Variants in NPAS3 observed in about 807,000 individuals in gnomAD.
The protein encoded by NPAS3 is neuronal PAS domain protein 3.
In NPAS3, 14 loss-of-function variants were observed where a neutral mutation model predicts 73.1. The observed-to-expected ratio is 0.19, with a 90% CI of 0.13 to 0.30. The LOEUF is 0.30. NPAS3 is among the 10% of genes least tolerant of loss of function. The pLI is 1.00. For synonymous variants in NPAS3, 620 were observed against 541.5 expected (o/e 1.14, Z -2.01); for missense variants, 1,096 against 1,250.0 (o/e 0.88, Z 1.86).
chr14:33,778,942 AGAAGAC>A, intron 9 of NPAS3, among the ~76,000 whole-genome samples: 1 of 152,216 alleles, frequency 6.6e-6, no homozygotes, highest in Non-Finnish European at 1.5e-5. Context: ...TACACATGGG[AGAAGAC>A]AAGTTCAAAT....
chr14:33,176,864 T>C (rs2045605928), intron 2 of NPAS3, among the ~76,000 whole-genome samples: 1 of 152,126 alleles, frequency 6.6e-6, no homozygotes, highest in Non-Finnish European at 1.5e-5. Context: ...AGTTTCTCCA[T>C]ATCCTTGCCA....
chr14:33,552,332 G>A (rs943274196), intron 4 of NPAS3, among the ~76,000 whole-genome samples: 5 of 152,206 alleles, frequency 3.3e-5, no homozygotes, highest in African/African-American at 4.8e-5. Flanking sequence ...TCTACCACAT[G>A]TTAGTTAGGT....
chr14:33,010,569 T>C (rs1306966614), intron 1 of NPAS3, among the ~76,000 whole-genome samples: 1 of 152,208 alleles, frequency 6.6e-6, no homozygotes, highest in East Asian at 1.9e-4. Flanking sequence ...AAAATTGGCA[T>C]AAATAAGAAT....
rs1210401203 is a variant in NPAS3 at position 33,478,150 on chromosome 14, G to C, written c.469-81971G>C. 3.9e-5 allele frequency among the ~76,000 whole-genome samples: 6 copies of C among 152,104 alleles called. No individual in the cohort carries two copies. The South Asian group carries it at 1.2e-3, about 32-fold the overall frequency. On this transcript the variant is annotated intron_variant, in intron 4 of 11. Coordinates refer to ENST00000356141, the Ensembl canonical transcript of NPAS3. ...GGAAATGTTTATCACTCATTTCCTA[G>C]CATTTTATGGCAGTGTTACGGTGAA...
chr14:32,994,129 G>A (rs971329422), intron 1 of NPAS3, among the ~76,000 whole-genome samples: 1 of 152,108 alleles, frequency 6.6e-6, no homozygotes, highest in Admixed American at 6.5e-5. Flanking sequence ...CTGGAGGAAG[G>A]GGGTATAGAT....
intron 4 of NPAS3, among the ~76,000 whole-genome samples, chr14:33,471,923 G>A (rs1459556996): frequency 6.6e-6 from 1 of 152,130 alleles, no homozygotes; most frequent in Non-Finnish European, 1.5e-5. Flanking sequence ...CAGTGGCATT[G>A]GATTCTCACA....
At chr14:33,396,477 G>C (rs2138679168) in intron 4 of NPAS3, among the ~76,000 whole-genome samples, 1 of 152,206 alleles carries the variant, frequency 6.6e-6, no homozygotes, top group Admixed American at 6.5e-5. Context: ...TAGAACTATT[G>C]TTTGTTTCAG....
chr14:33,130,334 C>A (rs1229473637), intron 2 of NPAS3, among the ~76,000 whole-genome samples: 2 of 152,128 alleles, frequency 1.3e-5, no homozygotes, highest in African/African-American at 2.4e-5. Flanking sequence ...ATGGAACTAT[C>A]CTTAGAGCCA....
chr14:33,605,471 A>G lies in NPAS3; in HGVS notation c.558+45261A>G, dbSNP rs2057530246. Among the ~76,000 whole-genome samples, 3 of 152,012 alleles carry G rather than the reference A, an allele frequency of 2.0e-5. 1 individual carries two copies. Among genetic ancestry groups the G allele is most frequent in the Admixed American group, 2.0e-4 (3 of 15,260 alleles). ...ACCTAGAAAATCTGATTGAATCCATAAAAGACTACTAGATCTGGTTGAATC... is the reference window on the plus strand; with the variant it reads ...ACCTAGAAAATCTGATTGAATCCATGAAAGACTACTAGATCTGGTTGAATC... On this transcript the variant is annotated intron_variant, in intron 5 of 11. Coordinates refer to ENST00000356141, the Ensembl canonical transcript of NPAS3.
chr14:33,700,333 T>C lies in NPAS3; in HGVS notation c.733+23948T>C, dbSNP rs149794867. 4.8e-3 allele frequency among the ~76,000 whole-genome samples: 733 copies of C among 152,290 alleles called. 4 individuals carry two copies. The highest frequency in any genetic ancestry group is 0.017 in the African/African-American group (688 of 41,558). ...ATCCGAGCACAGAGCTCAACTCCCT[T>C]TGTGTGATGTCAGTGCCTCCACCCT... On this transcript the variant is annotated intron_variant, in intron 6 of 11. Coordinates refer to ENST00000356141, the Ensembl canonical transcript of NPAS3.
At chr14:33,090,058 A>G (rs138831540) in intron 2 of NPAS3, among the ~76,000 whole-genome samples, 1,618 of 152,358 alleles carry the variant, frequency 0.011, 34 homozygotes, top group African/African-American at 0.037. Flanking sequence ...CAAAATGTAA[A>G]GACCATCGAT....
chr14:33,353,948 G>T (rs765614334), intron 3 of NPAS3, among the ~76,000 whole-genome samples: 1 of 152,122 alleles, frequency 6.6e-6, no homozygotes, highest in Non-Finnish European at 1.5e-5. Flanking sequence ...TGGAAGAGCT[G>T]GAGGCTGAGA....
intron 2 of NPAS3, among the ~76,000 whole-genome samples, chr14:33,164,742 T>C (rs530197596): frequency 4.7e-4 from 71 of 152,230 alleles, no homozygotes; most frequent in Admixed American, 1.6e-3. Flanking sequence ...CCAGCGAAGT[T>C]GGATAACTTT....
chr14:33,561,647 G>A (rs747992373), intron 5 of NPAS3, among the ~76,000 whole-genome samples: 3 of 152,122 alleles, frequency 2.0e-5, no homozygotes, highest in Non-Finnish European at 4.4e-5. Context: ...TTTTGAAATC[G>A]GTGAGCCACC....
At chr14:33,545,970 G>T (rs1278054837) in intron 4 of NPAS3, among the ~76,000 whole-genome samples, 1 of 152,182 alleles carries the variant, frequency 6.6e-6, no homozygotes, top group African/African-American at 2.4e-5. Flanking sequence ...AAGGGAACCT[G>T]CTCTCAGAAG....
intron 1 of NPAS3, among the ~76,000 whole-genome samples, chr14:32,993,229 G>A (rs2038409763): frequency 6.6e-6 from 1 of 151,552 alleles, no homozygotes; most frequent in Admixed American, 6.6e-5. Context: ...AAGTAAAAAT[G>A]TCCATGGGCC....
chr14:33,276,653 G>A (rs887912161), intron 3 of NPAS3, among the ~76,000 whole-genome samples: 1 of 151,656 alleles, frequency 6.6e-6, no homozygotes, highest in Non-Finnish European at 1.5e-5. Flanking sequence ...TGTAAAATGA[G>A]TGTAATAATG....
chr14:32,964,255 C>G (rs1203975407), intron 1 of NPAS3, among the ~76,000 whole-genome samples: 2 of 137,792 alleles, frequency 1.5e-5, no homozygotes, highest in Admixed American at 1.5e-4. Context: ...TTTTTGTATT[C>G]TTCATTTCTT....
At chr14:33,799,876 G>T (rs1386814390) in exon 12 of NPAS3, 1 of 1,614,136 alleles carries the variant, frequency 6.2e-7, no homozygotes, top group Admixed American at 1.7e-5. Flanking sequence ...CCAGTAACCC[G>T]GACAGCCGCG....
Sources: allele counts gnomAD v4.1 joint callset (sites outside exome capture counted in the v4.1 genomes callset), GRCh38; gene constraint gnomAD v4.1.1; transcripts MANE v1.5; gene names NCBI Gene and HGNC (gene_info 2026-07-23, HGNC 2026-07-21).